The following PCSK5 variants were observed in gnomAD, a reference collection of about 807,000 sequenced individuals.
PCSK5 encodes the protein prohormone convertase 5.
A neutral mutation model predicts 233.2 loss-of-function variants in PCSK5; 129 were observed. The ratio of observed to expected loss-of-function variants is 0.55; its 90% CI spans 0.48 to 0.64. The LOEUF is 0.64. PCSK5 is among the 30% of genes least tolerant of loss of function. The pLI is 0.00. For synonymous variants in PCSK5, 825 were observed against 879.2 expected, an observed-to-expected ratio of 0.94 and a Z score of 1.09; for missense variants, 2,076 against 2,430.1, an observed-to-expected ratio of 0.85 and a Z score of 3.06.
intron 1 of PCSK5, among the ~76,000 whole-genome samples, chr9:75,901,979 G>A (rs1826057373): frequency 2.6e-5 from 4 of 152,064 alleles, no homozygotes; most frequent in African/African-American, 9.7e-5. Flanking sequence ...ACTTTGGGAG[G>A]CCAAGGCGGG....
intron 35 of PCSK5, among the ~76,000 whole-genome samples, chr9:76,347,404 G>A (rs1035379807): frequency 6.6e-6 from 1 of 152,150 alleles, no homozygotes; most frequent in Non-Finnish European, 1.5e-5. Context: ...TAAAATAATA[G>A]AAAGCCTTCT....
At chr9:75,948,168 A>T (rs1009045220) in intron 2 of PCSK5, among the ~76,000 whole-genome samples, 21 of 152,046 alleles carry the variant, frequency 1.4e-4, no homozygotes, top group African/African-American at 4.6e-4. Context: ...AAATATATAT[A>T]TTTTTATTAT....
chr9:76,200,770 T>G (rs1046082258), intron 20 of PCSK5, among the ~76,000 whole-genome samples: 4 of 152,180 alleles, frequency 2.6e-5, no homozygotes, highest in African/African-American at 9.7e-5. Context: ...AGGCAGGGGA[T>G]GAGCAGGGCA....
chr9:76,289,512 CA>C (rs1156530518), intron 24 of PCSK5, among the ~76,000 whole-genome samples: 5,653 of 77,922 alleles, frequency 0.073, 129 homozygotes, highest in African/African-American at 0.11. Flanking sequence ...CACACACACG[CA>C]ACATACACAC....
intron 2 of PCSK5, among the ~76,000 whole-genome samples, chr9:75,979,989 AAG>A (rs1217639903): frequency 6.6e-6 from 1 of 152,238 alleles, no homozygotes; most frequent in Non-Finnish European, 1.5e-5. Context: ...AAGTAAATGA[AAG>A]GGTCTTGAGG....
At chr9:75,912,162 A>G (rs1822771347) in intron 1 of PCSK5, among the ~76,000 whole-genome samples, 1 of 152,050 alleles carries the variant, frequency 6.6e-6, no homozygotes, top group Admixed American at 6.6e-5. Context: ...TTTCGATTGT[A>G]AACAGGCTTA....
intron 20 of PCSK5, among the ~76,000 whole-genome samples, chr9:76,198,589 A>C (rs2131265798): frequency 6.6e-6 from 1 of 152,292 alleles, no homozygotes; most frequent in East Asian, 1.9e-4. Context: ...AAGCAAGTCC[A>C]CATCACATAT....
intron 9 of PCSK5, among the ~76,000 whole-genome samples, chr9:76,113,276 A>G (rs979313486): frequency 6.6e-6 from 1 of 152,188 alleles, no homozygotes; most frequent in Non-Finnish European, 1.5e-5. Flanking sequence ...GGAAAGGTCA[A>G]AGTGTGAGAA....
chr9:76,255,415 A>G (rs1826952341), intron 24 of PCSK5, among the ~76,000 whole-genome samples: 2 of 152,248 alleles, frequency 1.3e-5, no homozygotes, highest in Admixed American at 6.5e-5. Context: ...TACTGTGTTG[A>G]GAATGGAAGC....
Position 76,351,657 on chromosome 9 carries a change from G to GAGAA in PCSK5, c.5067+749_5067+752dup, listed in dbSNP as rs1205485720. On this transcript the variant is annotated intron_variant, in intron 36 of 37. Coordinates refer to ENST00000674117, the MANE Select transcript of PCSK5 (RefSeq NM_001372043.1). ...GAGAGAAAGAAGAAAGAAAGAGAGA[G>GAGAA]AGAAAGAAAGAAAGAAAGAAAGAGG... Among the ~76,000 whole-genome samples, 407 of 97,892 alleles carry GAGAA rather than the reference G, an allele frequency of 4.2e-3. 6 individuals carry two copies. The highest frequency in any genetic ancestry group is 0.01 in the African/African-American group (356 of 35,424). The allele number at this position is 97,892 out of a possible 152,430, so 64.2% of individuals were successfully genotyped here.
Position 75,932,450 on chromosome 9 carries a change from A to T in PCSK5, c.264A>T (p.Arg88Ser). The change falls in exon 2 of 38, where the codon AGA becomes AGT. Residue 88 changes from arginine (R) to serine (S), a missense_variant. Physicochemically the swap from Arg to Ser is moderately radical, Grantham distance 110. Transcript: ENST00000674117. ...RTIKRSVISSRGTHSFISMEP... is the reference protein window; with the variant it reads ...RTIKRSVISSSGTHSFISMEP... Reference sequence around the variant, plus strand: ...TTAAAAGGTCAGTTATCTCGAGCAGAGGGACCCACAGTTTCATTTCAATGG... The same window carrying T: ...TTAAAAGGTCAGTTATCTCGAGCAGTGGGACCCACAGTTTCATTTCAATGG... 6.2e-7 allele frequency: 1 copy of T among 1,612,572 alleles called. No homozygotes were observed.
intron 2 of PCSK5, among the ~76,000 whole-genome samples, chr9:75,945,473 TCCACCATCAGTGTTGACCTGGTTAATC>T (rs1365790618): frequency 1.3e-5 from 2 of 152,150 alleles, no homozygotes; most frequent in African/African-American, 4.8e-5. Context: ...CCTGGTTAAT[TCCACCATCAGTGTTGACCTGGTTAATC>T]CCACCATCAG....
chr9:75,930,921 T>C (rs1339299038), intron 1 of PCSK5, among the ~76,000 whole-genome samples: 2 of 152,196 alleles, frequency 1.3e-5, no homozygotes, highest in Admixed American at 1.3e-4. Context: ...GGGGCTGGCA[T>C]CTGTGCCCTC....
intron 1 of PCSK5, among the ~76,000 whole-genome samples, chr9:75,915,113 A>G (rs761623496): frequency 1.3e-5 from 2 of 152,296 alleles, no homozygotes; most frequent in African/African-American, 4.8e-5. Flanking sequence ...TAGAAGGCTC[A>G]TTTTGGGGAG....
intron 8 of PCSK5, 93 bp from the exon 9 acceptor site, chr9:76,107,158 T>C (rs956611084): frequency 3.0e-6 from 2 of 665,866 alleles, no homozygotes; most frequent in Admixed American, 2.7e-5. Context: ...ATTTAACATA[T>C]ACCCCCATTC....
At chr9:76,127,873 A>G (rs1485073217) in intron 9 of PCSK5, among the ~76,000 whole-genome samples, 1 of 116,060 alleles carries the variant, frequency 8.6e-6, no homozygotes, top group Non-Finnish European at 2.0e-5. Context: ...CTGAGGAAAC[A>G]GAGACTTTCA....
Position 75,891,193 on chromosome 9 carries a change from G to T in PCSK5, c.12G>T (p.Gly4=), listed in dbSNP as rs772006817. 9 of 1,479,174 alleles carry T rather than the reference G, an allele frequency of 6.1e-6. No homozygotes were observed. The East Asian group carries it at 8.2e-5, about 13-fold the overall frequency. The allele number at this position is 1,479,174 out of a possible 1,614,324, so 91.6% of individuals were successfully genotyped here. A position where few individuals can be genotyped will look rare whatever the true frequency, so the allele number is the denominator to read the frequency against. MGW[G]SRCCCPGRLD... ...GAGGCGCCGGGACCATGGGCTGGGG[G>T]AGCCGCTGCTGCTGCCCGGGACGTT... is the stretch of plus-strand genomic sequence containing the variant. The change falls in exon 1 of 38, where the codon GGG becomes GGT. Residue 4 remains glycine (G), a synonymous_variant. Transcript: ENST00000674117.
chr9:76,194,687 A>G (rs1824600910), intron 20 of PCSK5: 1 of 450,354 alleles, frequency 2.2e-6, no homozygotes, highest in Non-Finnish European at 4.6e-6. Flanking sequence ...AATTATGAGG[A>G]AACTATTTGG....
At chr9:76,064,388 C>G (rs1481232293) in intron 5 of PCSK5, among the ~76,000 whole-genome samples, 1 of 110,344 alleles carries the variant, frequency 9.1e-6, no homozygotes, top group African/African-American at 3.8e-5. Context: ...TCCCGGACGG[C>G]ACGGCTGGCC....
Sources: gnomAD v4.1 joint callset for allele counts (sites outside exome capture counted in the v4.1 genomes callset) on GRCh38, gnomAD v4.1.1 for gene constraint, MANE v1.5 for transcripts, NCBI Gene and HGNC (gene_info 2026-07-23, HGNC 2026-07-21) for gene names.